Variants in TG observed in about 807,000 individuals in gnomAD.
TG encodes thyroid hormones.
TG carries 270 observed loss-of-function variants against 324.7 expected under a neutral mutation model. The observed-to-expected ratio is 0.83, with a 90% confidence interval of 0.75 to 0.92. TG has a LOEUF of 0.92. Ranked by LOEUF, TG falls within the 40% of genes least tolerant of loss-of-function variation. The pLI is 0.00. For synonymous variants in TG, 1,401 were observed against 1,327.0 expected (o/e 1.06, Z -1.21); for missense variants, 3,591 against 3,456.4 (o/e 1.04, Z -0.98).
At chr8:132,970,271 A>T (rs1477812255) in intron 32 of TG, among the ~76,000 whole-genome samples, 2 of 152,026 alleles carry the variant, frequency 1.3e-5, no homozygotes, top group Non-Finnish European at 2.9e-5. Flanking sequence ...TAGTTGTTTT[A>T]ATTGAAGATG....
intron 45 of TG, among the ~76,000 whole-genome samples, chr8:133,127,440 T>C (rs1851605876): frequency 1.3e-5 from 2 of 152,128 alleles, no homozygotes; most frequent in African/African-American, 2.4e-5. Flanking sequence ...TTGGAGACAT[T>C]ATGTGAAAAG....
chr8:132,913,165 A>C lies in TG; in HGVS notation c.4278A>C (p.Gln1426His). Residue 1426 changes from glutamine (Q) to histidine (H), a missense_variant, in exon 20 of 48, where the codon CAA (glutamine) becomes CAC (histidine). Transcript: ENST00000220616. ...TFPAETIRFL[Q>H]GDHFGTSPRT... is the part of the protein sequence containing the mutation. ...CAGCGGAAACCATCCGCTTCCTCCA[A>C]GGGGACCACTTTGGCACCTCTCCCA... 1 of 1,614,096 alleles carries C rather than the reference A, an allele frequency of 6.2e-7. No individual in the cohort carries two copies. Among genetic ancestry groups the C allele is most frequent in the African/African-American group, 1.3e-5 (1 of 75,010 alleles).
intron 41 of TG, chr8:133,048,046 A>G: frequency 1.6e-6 from 1 of 616,048 alleles, no homozygotes; most frequent in Non-Finnish European, 2.9e-6. Context: ...ACCTCAACCC[A>G]CTGAGACAGG....
intron 1 of TG, 26 bp downstream of exon 1, chr8:132,867,093 G>C (rs771941240): frequency 6.3e-7 from 1 of 1,580,972 alleles, no homozygotes; most frequent in Non-Finnish European, 8.6e-7. Flanking sequence ...ATGGAGCCAG[G>C]CGGTGGGGAG....
intron 41 of TG, among the ~76,000 whole-genome samples, chr8:133,072,393 T>C (rs1844194545): frequency 6.6e-6 from 1 of 152,186 alleles, no homozygotes. Context: ...GTCGATCACA[T>C]GATGTGACCT....
intron 43 of TG, among the ~76,000 whole-genome samples, chr8:133,098,670 G>A (rs1186238437): frequency 2.0e-5 from 3 of 152,210 alleles, no homozygotes; most frequent in Non-Finnish European, 4.4e-5. Flanking sequence ...AGCCTAGAAA[G>A]GGCTGATGGG....
chr8:132,988,064 GCACACACACACACACACA>G (rs35161639), intron 35 of TG, among the ~76,000 whole-genome samples: 4 of 134,650 alleles, frequency 3.0e-5, no homozygotes, highest in South Asian at 2.6e-4. Context: ...ACATACACAT[GCACACACACACACACACA>G]CACACACACA....
intron 41 of TG, among the ~76,000 whole-genome samples, chr8:133,065,725 G>A (rs1176514209): frequency 6.6e-6 from 1 of 151,984 alleles, no homozygotes; most frequent in Non-Finnish European, 1.5e-5. Context: ...TCAGGCCATT[G>A]TACTCCAGCC....
At chr8:132,971,208 G>A (rs1260555146) in intron 32 of TG, among the ~76,000 whole-genome samples, 1 of 152,188 alleles carries the variant, frequency 6.6e-6, no homozygotes, top group Non-Finnish European at 1.5e-5. Context: ...TGGATAAGAA[G>A]GTCAGTCTTG....
intron 43 of TG, among the ~76,000 whole-genome samples, chr8:133,112,238 C>T (rs1850314890): frequency 6.6e-6 from 1 of 152,266 alleles, no homozygotes; most frequent in African/African-American, 2.4e-5. Flanking sequence ...AATCACAGGT[C>T]CTGTGTGCTT....
At chr8:133,003,593 C>T (rs567245166) in intron 35 of TG, among the ~76,000 whole-genome samples, 11 of 152,060 alleles carry the variant, frequency 7.2e-5, no homozygotes, top group East Asian at 1.9e-4. Flanking sequence ...ATAATCTGTC[C>T]GTTAAAAATA....
Position 133,006,921 on chromosome 8 carries a change from A to G in TG, c.6263-4980A>G, listed in dbSNP as rs117784130. 2.3e-3 allele frequency among the ~76,000 whole-genome samples: 351 copies of G among 152,322 alleles called. 1 individual carries two copies. The highest frequency in any genetic ancestry group is 3.3e-3 in the Non-Finnish European group (224 of 68,036). On this transcript the variant is annotated intron_variant, in intron 35 of 47. Coordinates refer to ENST00000220616, the MANE Select transcript of TG (RefSeq NM_003235.5). ...AAAATGTGTATTAGAATGGGCCATA[A>G]TATGTAGTCAGTTGGAATCTCAGAA...
At chr8:133,044,440 G>A (rs925540982) in intron 41 of TG, among the ~76,000 whole-genome samples, 1 of 152,104 alleles carries the variant, frequency 6.6e-6, no homozygotes, top group Non-Finnish European at 1.5e-5. Context: ...GTCTTTAGGA[G>A]CCTGTTGAGG....
rs529650202 is a variant in TG at position 133,038,674 on chromosome 8, A to G, written c.7239+8651A>G. ...AAGAGGCAATGCTCTCTCGAAGGCC[A>G]TAGCTGAAAAGGGACTCGTCTACCC... On this transcript the variant is annotated intron_variant, in intron 41 of 47. Coordinates refer to ENST00000220616, the MANE Select transcript of TG (RefSeq NM_003235.5). 9 of 1,614,074 alleles carry G rather than the reference A, an allele frequency of 5.6e-6. No homozygotes were observed. In the African/African-American group the frequency reaches 6.7e-5, roughly 12 times the overall value.
At chr8:133,118,163 C>A (rs1047613593) in intron 45 of TG, among the ~76,000 whole-genome samples, 2 of 152,092 alleles carry the variant, frequency 1.3e-5, no homozygotes, top group Non-Finnish European at 2.9e-5. Flanking sequence ...TACTTTATTA[C>A]CTGCCCTATA....
chr8:133,093,831 T>C (rs1382771693), intron 41 of TG, among the ~76,000 whole-genome samples: 1 of 152,184 alleles, frequency 6.6e-6, no homozygotes, highest in Non-Finnish European at 1.5e-5. Context: ...CCCTGCCTCC[T>C]AACATAACTG....
chr8:132,953,196 G>A (rs1851571), intron 27 of TG, among the ~76,000 whole-genome samples: 48,443 of 152,100 alleles, frequency 0.32, 9,817 homozygotes, highest in African/African-American at 0.57. Context: ...ACTGTGAGTT[G>A]CAGAGGGGAG....
intron 41 of TG, among the ~76,000 whole-genome samples, chr8:133,040,685 G>A (rs1403081317): frequency 6.6e-6 from 1 of 151,980 alleles, no homozygotes; most frequent in African/African-American, 2.4e-5. Context: ...AGGAAAGGAG[G>A]GAGGGAGCAG....
chr8:133,023,015 C>T (rs544108207), intron 40 of TG, among the ~76,000 whole-genome samples: 7 of 152,276 alleles, frequency 4.6e-5, no homozygotes, highest in African/African-American at 1.4e-4. Context: ...TGCACATCTT[C>T]GAGGATAGTG....
Sources: allele counts gnomAD v4.1 joint callset (sites outside exome capture counted in the v4.1 genomes callset), GRCh38; gene constraint gnomAD v4.1.1; transcripts MANE v1.5; gene names NCBI Gene and HGNC (gene_info 2026-07-23, HGNC 2026-07-21).